Variants in UBN2 observed in about 807,000 individuals in gnomAD.
UBN2 encodes the protein ubinuclein-2.
In UBN2, 35 loss-of-function variants were observed where a neutral mutation model predicts 120.2. The ratio of observed to expected loss-of-function variants is 0.29; its 90% confidence interval spans 0.22 to 0.39. UBN2 has a LOEUF of 0.39. Ranked by LOEUF, UBN2 falls within the 10% of genes least tolerant of loss-of-function variation. The probability of loss-of-function intolerance (pLI) is 1.00; values close to 1 mark genes in which losing one functional copy is unlikely to be tolerated. For synonymous variants in UBN2, 661 were observed against 648.7 expected, an observed-to-expected ratio of 1.02 and a Z score of -0.29; for missense variants, 1,693 against 1,663.2, an observed-to-expected ratio of 1.02 and a Z score of -0.31.
intron 2 of UBN2, among the ~76,000 whole-genome samples, chr7:139,239,246 G>C (rs562873451): frequency 5.3e-5 from 8 of 151,842 alleles, no homozygotes; most frequent in Non-Finnish European, 1.0e-4. Context: ...AGTATATTTG[G>C]GGGGGTCATA....
intron 5 of UBN2, among the ~76,000 whole-genome samples, chr7:139,259,860 T>C (rs561746813): frequency 1.3e-5 from 2 of 152,224 alleles, no homozygotes; most frequent in East Asian, 1.9e-4. Flanking sequence ...GTGATTGTTA[T>C]GCCTCAGCCT....
chr7:139,324,125 G>A, the UBN2 span, among the ~76,000 whole-genome samples: 78 of 152,142 alleles, frequency 5.1e-4, no homozygotes, highest in African/African-American at 1.7e-3. Context: ...ATTCCTGTCC[G>A]CTTGAAAGGC....
chr7:139,285,542 T>C (rs1231231027), intron 15 of UBN2, among the ~76,000 whole-genome samples: 1 of 152,198 alleles, frequency 6.6e-6, no homozygotes, highest in Non-Finnish European at 1.5e-5. Flanking sequence ...AGACTCTTTC[T>C]CATTCTCTTT....
At chr7:139,257,533 C>T (rs1227110823) in intron 3 of UBN2, among the ~76,000 whole-genome samples, 11 of 151,968 alleles carry the variant, frequency 7.2e-5, no homozygotes, top group Admixed American at 7.2e-4. Context: ...CTCAGCCTCC[C>T]AAGTAGCTGG....
downstream of UBN2, among the ~76,000 whole-genome samples, chr7:139,310,163 C>G (rs751355940): frequency 8.6e-5 from 13 of 151,858 alleles, no homozygotes; most frequent in Admixed American, 2.6e-4. Flanking sequence ...TTGGATTTGG[C>G]TTGGAGGGAA....
chr7:139,308,613 G>A (rs73468716), downstream of UBN2, among the ~76,000 whole-genome samples: 3,261 of 152,154 alleles, frequency 0.021, 104 homozygotes, highest in African/African-American at 0.075. Context: ...TTTGCTGTGA[G>A]GGGCATGTTT....
intron 8 of UBN2, among the ~76,000 whole-genome samples, chr7:139,270,364 G>A (rs2131004309): frequency 6.6e-6 from 1 of 151,488 alleles, no homozygotes; most frequent in East Asian, 1.9e-4. Flanking sequence ...CATCTCCCAG[G>A]TTCAAGCAAT....
intron 3 of UBN2, among the ~76,000 whole-genome samples, chr7:139,254,851 C>A (rs975829820): frequency 6.6e-6 from 1 of 152,164 alleles, no homozygotes; most frequent in Non-Finnish European, 1.5e-5. Context: ...TTTCCATGAA[C>A]ACCTTGCCCG....
intron 2 of UBN2, among the ~76,000 whole-genome samples, chr7:139,241,737 C>T (rs1000600311): frequency 6.6e-6 from 1 of 152,212 alleles, no homozygotes; most frequent in Non-Finnish European, 1.5e-5. Flanking sequence ...CGGCCCGTGC[C>T]TGTAATCCCA....
chr7:139,292,893 G>A (rs888772715), intron 15 of UBN2, among the ~76,000 whole-genome samples: 1 of 152,196 alleles, frequency 6.6e-6, no homozygotes, highest in Non-Finnish European at 1.5e-5. Context: ...CAGGAAAGAT[G>A]ATGAGACAAA....
chr7:139,269,643 C>A, intron 8 of UBN2, 120 bp downstream of exon 8: 1 of 1,086,182 alleles, frequency 9.2e-7, no homozygotes, highest in Non-Finnish European at 1.3e-6. Context: ...ATTTAATAAC[C>A]ATAGGAGGTT....
Position 139,269,453 on chromosome 7 carries a change from T to C in UBN2, c.1526T>C (p.Leu509Pro). The change falls in exon 8 of 18, where the codon CTT becomes CCT. Residue 509 changes from leucine to proline, a missense_variant. Physicochemically the swap from Leu to Pro is moderately conservative, Grantham distance 98. Coordinates refer to ENST00000473989, the MANE Select transcript of UBN2 (RefSeq NM_173569.4). ...PVIRSGVYSH[L>P]EAFVPCNKET... Reference sequence around the variant, plus strand: ...ATTCGCAGTGGTGTCTACTCCCACCTTGAAGCTTTTGTGCCATGCAATAAA... The same window carrying C: ...ATTCGCAGTGGTGTCTACTCCCACCCTGAAGCTTTTGTGCCATGCAATAAA... 6.2e-7 allele frequency: 1 copy of C among 1,614,146 alleles called. No individual in the cohort carries two copies. Among genetic ancestry groups the C allele is most frequent in the Non-Finnish European group, 8.5e-7 (1 of 1,180,016 alleles).
chr7:139,236,396 A>C (rs1160557927), intron 1 of UBN2, among the ~76,000 whole-genome samples: 1 of 152,204 alleles, frequency 6.6e-6, no homozygotes, highest in Non-Finnish European at 1.5e-5. Context: ...ATTGGACCTC[A>C]ACAGAAAGCC....
In UBN2 at chr7:139,280,262, A is replaced by G. The variant is rs1048682420; in HGVS notation, c.2067+902A>G. 7.9e-5 allele frequency among the ~76,000 whole-genome samples: 12 copies of G among 152,338 alleles called. No individual in the cohort carries two copies. The East Asian group carries it at 2.1e-3, about 27-fold the overall frequency. On this transcript the variant is annotated intron_variant, in intron 13 of 17. Transcript: ENST00000473989. ...CAGCAGTTAGATCCCTAAGACGGAC[A>G]AGTAGTGCACTTATGGAATTTAGTA... is the stretch of plus-strand genomic sequence containing the variant.
intron 1 of UBN2, among the ~76,000 whole-genome samples, chr7:139,236,730 C>A (rs116020399): frequency 1.2e-3 from 184 of 151,462 alleles, no homozygotes; most frequent in African/African-American, 4.3e-3. Context: ...TTGCTATGAA[C>A]CAACTTTTTT....
chr7:139,261,063 G>T (rs915956984), intron 5 of UBN2, among the ~76,000 whole-genome samples, 189 bp from the exon 6 acceptor site: 2 of 152,114 alleles, frequency 1.3e-5, no homozygotes, highest in Non-Finnish European at 2.9e-5. Context: ...TTACCTATTT[G>T]CCTTTCGTGG....
At chr7:139,257,335 T>G (rs2130972044) in intron 3 of UBN2, among the ~76,000 whole-genome samples, 1 of 152,322 alleles carries the variant, frequency 6.6e-6, no homozygotes, top group South Asian at 2.1e-4. Flanking sequence ...AACTGGGCAG[T>G]TGTTTTTCTA....
At chr7:139,264,779 G>A (rs955125548) in intron 6 of UBN2, among the ~76,000 whole-genome samples, 6 of 152,104 alleles carry the variant, frequency 3.9e-5, no homozygotes, top group East Asian at 3.9e-4. Context: ...TAGTAGAGAC[G>A]GGGTTTCACC....
At chr7:139,328,729 T>C in the UBN2 span, among the ~76,000 whole-genome samples, 3 of 152,006 alleles carry the variant, frequency 2.0e-5, no homozygotes, top group Non-Finnish European at 2.9e-5. Context: ...TCAGGTATGG[T>C]GGCACATGCC....
Sources: allele counts gnomAD v4.1 joint callset (sites outside exome capture counted in the v4.1 genomes callset), GRCh38; gene constraint gnomAD v4.1.1; transcripts MANE v1.5; gene names NCBI Gene and HGNC (gene_info 2026-07-23, HGNC 2026-07-21).